The following ANKS1B variants were observed in gnomAD, a reference collection of about 807,000 sequenced individuals.
The protein encoded by ANKS1B is ankyrin repeat and sterile alpha motif domain containing 1B.
A neutral mutation model predicts 148.3 loss-of-function variants in ANKS1B; 36 were observed. That is an observed-to-expected ratio of 0.24 (90% CI 0.19 to 0.32). The LOEUF is 0.32. Among genes scored for constraint, ANKS1B ranks in the 10% least tolerant of loss-of-function variants. The pLI, the probability that ANKS1B is intolerant of heterozygous loss-of-function variation, is 1.00. For synonymous variants in ANKS1B, 542 were observed against 560.8 expected (o/e 0.97, Z 0.47); for missense variants, 1,157 against 1,542.6 (o/e 0.75, Z 4.19).
chr12:99,017,355 C>T (rs934509716), intron 17 of ANKS1B, among the ~76,000 whole-genome samples: 5 of 151,984 alleles, frequency 3.3e-5, no homozygotes, highest in Non-Finnish European at 5.9e-5. Flanking sequence ...GAGAGAGGCC[C>T]GAATTCTGAT....
At chr12:99,579,810 A>G (rs955363626) in intron 9 of ANKS1B, among the ~76,000 whole-genome samples, 3 of 152,198 alleles carry the variant, frequency 2.0e-5, no homozygotes, top group African/African-American at 7.2e-5. Context: ...AAAGAATTTA[A>G]GTCAGAACTA....
intron 8 of ANKS1B, among the ~76,000 whole-genome samples, chr12:99,734,441 G>A (rs985867695): frequency 3.9e-5 from 6 of 152,042 alleles, no homozygotes; most frequent in African/African-American, 1.4e-4. Context: ...TTACAGGCAT[G>A]CGCCACCACG....
intron 9 of ANKS1B, among the ~76,000 whole-genome samples, chr12:99,621,866 G>C (rs1341172813): frequency 1.5e-5 from 2 of 132,358 alleles, no homozygotes; most frequent in Admixed American, 1.6e-4. Flanking sequence ...AGAAAACAAA[G>C]AAATTCTGGA....
chr12:99,173,254 G>A (rs958912952), intron 14 of ANKS1B, among the ~76,000 whole-genome samples: 2 of 152,096 alleles, frequency 1.3e-5, no homozygotes, highest in Admixed American at 6.6e-5. Flanking sequence ...AAGTCAACTG[G>A]TAAATCTCTA....
In ANKS1B at chr12:99,504,484, G is replaced by A. The variant is rs1428042560; in HGVS notation, c.1430C>T (p.Pro477Leu). The A allele has an allele frequency of 1.9e-6, 3 of 1,611,912 alleles. No individual in the cohort carries two copies. Among genetic ancestry groups the A allele is most frequent in the African/African-American group, 1.3e-5 (1 of 74,806 alleles). Residue 477 changes from proline to leucine, a missense_variant, in exon 10 of 27, where the codon CCA (proline) becomes CTA (leucine). By Grantham distance (98) the Pro-to-Leu change is moderately conservative. Transcript: ENST00000683438. ...CSLEIARAPS[P>L]RTDNASEVAV... The stretch of plus-strand genomic sequence containing the variant: ...TGAGTAAGAGATATTACCAGTTCTT[G>A]GGGAAGGTGCCCTTGCAATTTCTAA...
intron 11 of ANKS1B, among the ~76,000 whole-genome samples, chr12:99,407,726 T>C (rs2094565328): frequency 2.8e-5 from 4 of 144,404 alleles, no homozygotes; most frequent in Non-Finnish European, 3.1e-5. Context: ...TCAGAAAAAA[T>C]AGAACAAAGA....
At chr12:99,317,251 T>C (rs1280266479) in intron 12 of ANKS1B, among the ~76,000 whole-genome samples, 1 of 152,154 alleles carries the variant, frequency 6.6e-6, no homozygotes, top group African/African-American at 2.4e-5. Flanking sequence ...CTATAAATTA[T>C]CCTGGGCAGT....
chr12:99,092,110 C>A (rs1278007576), intron 15 of ANKS1B, among the ~76,000 whole-genome samples: 1 of 146,700 alleles, frequency 6.8e-6, no homozygotes, highest in Admixed American at 7.2e-5. Flanking sequence ...TTCACTGAAT[C>A]CTGGAATCAG....
At chr12:99,815,755 A>G (rs114599775) in intron 2 of ANKS1B, among the ~76,000 whole-genome samples, 209 of 151,894 alleles carry the variant, frequency 1.4e-3, no homozygotes, top group African/African-American at 4.2e-3. Context: ...TTGGTTTTCC[A>G]TTCCCTAGTC....
chr12:99,135,750 T>C (rs1689306414), intron 15 of ANKS1B, among the ~76,000 whole-genome samples: 1 of 152,222 alleles, frequency 6.6e-6, no homozygotes, highest in African/African-American at 2.4e-5. Context: ...TAAACAGTTA[T>C]TTGAATGTGT....
At chr12:99,886,709 T>C (rs2092839385) in intron 1 of ANKS1B, among the ~76,000 whole-genome samples, 1 of 152,204 alleles carries the variant, frequency 6.6e-6, no homozygotes, top group South Asian at 2.1e-4. Flanking sequence ...AAAAATAAGA[T>C]GTGACAGACC....
intron 12 of ANKS1B, among the ~76,000 whole-genome samples, chr12:99,375,113 G>T (rs1038683559): frequency 6.6e-6 from 1 of 152,174 alleles, no homozygotes; most frequent in Non-Finnish European, 1.5e-5. Flanking sequence ...AAGATAATCC[G>T]TTAGTTGAGT....
intron 6 of ANKS1B, among the ~76,000 whole-genome samples, chr12:99,777,873 C>T (rs1446410918): frequency 3.3e-5 from 5 of 151,794 alleles, no homozygotes; most frequent in Admixed American, 6.5e-5. Context: ...CATGAGCCAT[C>T]GCGCCTGGCC....
chr12:99,653,246 A>G (rs185939431), intron 9 of ANKS1B, among the ~76,000 whole-genome samples: 242 of 152,330 alleles, frequency 1.6e-3, no homozygotes, highest in African/African-American at 5.6e-3. Flanking sequence ...AATCAGATAC[A>G]ATCATATTAC....
At chr12:99,611,884 G>A (rs970073190) in intron 9 of ANKS1B, among the ~76,000 whole-genome samples, 3 of 152,022 alleles carry the variant, frequency 2.0e-5, no homozygotes, top group African/African-American at 7.2e-5. Flanking sequence ...AATTCTACAA[G>A]AAATTCATTT....
At chr12:99,819,709 A>G (rs931067741) in intron 2 of ANKS1B, among the ~76,000 whole-genome samples, 2 of 151,832 alleles carry the variant, frequency 1.3e-5, no homozygotes, top group Non-Finnish European at 3.0e-5. Context: ...CTATTTGTTA[A>G]GTAGAGAAGA....
At chr12:99,471,756 C>A (rs367838956) in intron 10 of ANKS1B, among the ~76,000 whole-genome samples, 3 of 152,026 alleles carry the variant, frequency 2.0e-5, no homozygotes, top group Non-Finnish European at 2.9e-5. Context: ...TATGTTGCTG[C>A]TACTCTTCCA....
At chr12:98,962,978 C>T (rs1455609679) in intron 17 of ANKS1B, among the ~76,000 whole-genome samples, 1 of 152,004 alleles carries the variant, frequency 6.6e-6, no homozygotes, top group Non-Finnish European at 1.5e-5. Context: ...CTATAAGTGC[C>T]TACATCAAAA....
At chr12:98,843,588 C>A (rs746109539) in intron 17 of ANKS1B, among the ~76,000 whole-genome samples, 2 of 152,150 alleles carry the variant, frequency 1.3e-5, no homozygotes, top group Non-Finnish European at 2.9e-5. Context: ...ACAAACAAAG[C>A]GACTGGAGTC....
Sources: allele counts gnomAD v4.1 joint callset (sites outside exome capture counted in the v4.1 genomes callset), GRCh38; gene constraint gnomAD v4.1.1; transcripts MANE v1.5; gene names NCBI Gene and HGNC (gene_info 2026-07-23, HGNC 2026-07-21).